PLIN5: variants seen among roughly 807,000 people sequenced by gnomAD.
PLIN5 encodes perilipin-5.
PLIN5 carries 34 observed loss-of-function variants against 32.8 expected under a neutral mutation model. The ratio of observed to expected loss-of-function variants is 1.04; its 90% CI spans 0.79 to 1.38. The LOEUF is 1.38. Among genes scored for constraint, PLIN5 ranks in the 40% most tolerant of loss-of-function variants. The pLI, the probability that PLIN5 is intolerant of heterozygous loss-of-function variation, is 0.00. For synonymous variants in PLIN5, 309 were observed against 292.9 expected (o/e 1.05, Z -0.56); for missense variants, 712 against 660.5 (o/e 1.08, Z -0.85).
Position 4,523,845 on chromosome 19 carries a change from C to T in PLIN5, c.1075G>A (p.Asp359Asn), listed in dbSNP as rs1210652621. ...TGCACCACCAGCTCCAGCAGCTCGT[C>T]CACGCAGGCGTGCGCGTGGGCCACG... is the stretch of plus-strand genomic sequence containing the variant. ...GRVAHAHACV[D>N]ELLELVVQAV... The change falls in exon 8 of 8, where the codon GAC becomes AAC. Residue 359 changes from aspartate (D) to asparagine (N), a missense_variant. Physicochemically the swap from Asp to Asn is conservative, Grantham distance 23. Coordinates refer to ENST00000381848, the MANE Select transcript of PLIN5 (RefSeq NM_001013706.3). The surrounding 1 kb of genome is among the most constrained non-coding windows in gnomAD (Gnocchi z 5.0). 6.3e-7 allele frequency: 1 copy of T among 1,583,788 alleles called. No homozygotes were observed. Among genetic ancestry groups the T allele is most frequent in the Admixed American group, 1.7e-5 (1 of 57,972 alleles).
chr19:4,533,368 T>C, intron 2 of PLIN5: 1 of 152,798 alleles, frequency 6.5e-6, no homozygotes, highest in Non-Finnish European at 1.5e-5. Flanking sequence ...GTGCTGGGAT[T>C]ACAGGCGTCT....
chr19:4,531,606 G>T, intron 3 of PLIN5, 21 bp downstream of exon 3: 3 of 1,485,150 alleles, frequency 2.0e-6, no homozygotes, highest in South Asian at 2.6e-5. Flanking sequence ...AGCTCCCAGG[G>T]ACACGGGCCA....
Position 4,522,770 on chromosome 19 carries a change from A to G in PLIN5, c.*758T>C, listed in dbSNP as rs546969917. On this transcript the variant is annotated 3_prime_UTR_variant, in exon 8 of 8. Transcript: ENST00000381848. ...AGATCATGGCTCACTGCAGCCTCCA[A>G]CTCCTGGGCTCAAGCAGTCCTCCCA... 6.6e-6 allele frequency: 1 copy of G among 150,474 alleles called. No homozygotes were observed. Among genetic ancestry groups the G allele is most frequent in the East Asian group, 2.0e-4 (1 of 5,076 alleles). The allele number at this position is 150,474 out of a possible 1,614,324, so 9.3% of individuals were successfully genotyped here. A position where few individuals can be genotyped will look rare whatever the true frequency, so the allele number is the denominator to read the frequency against.
In PLIN5 at chr19:4,529,065, G is replaced by A. The variant is rs189306374; in HGVS notation, c.520+8C>T. ...CTCAGGGGTTAGGGTTGAGGGTGTC[G>A]TCCTCACCGAGCTCTTCCTCCGTCA... On this transcript the variant is annotated splice_region_variant and intron_variant, in intron 5 of 7. Coordinates refer to ENST00000381848, the MANE Select transcript of PLIN5 (RefSeq NM_001013706.3). 4.1e-4 allele frequency: 655 copies of A among 1,611,428 alleles called. No individual in the cohort carries two copies. In the African/African-American group the frequency reaches 6.5e-3, roughly 16 times the overall value.
intron 5 of PLIN5, 176 bp downstream of exon 5, chr19:4,528,897 G>A (rs10403980): frequency 0.013 from 8,158 of 620,224 alleles, 335 homozygotes; most frequent in African/African-American, 0.11. Flanking sequence ...CTGGCGGGAT[G>A]CAGGTTGAGG....
intron 3 of PLIN5, among the ~76,000 whole-genome samples, chr19:4,531,192 G>A (rs888973279): frequency 6.6e-6 from 1 of 151,034 alleles, no homozygotes; most frequent in Admixed American, 6.6e-5. Flanking sequence ...GTAGAGACAG[G>A]GTTTCACTAT....
chr19:4,526,414 G>A (rs1555695449), intron 5 of PLIN5, among the ~76,000 whole-genome samples: 2 of 152,110 alleles, frequency 1.3e-5, no homozygotes, highest in Non-Finnish European at 2.9e-5. Flanking sequence ...TAGAGACGGG[G>A]TTTCACCATG....
chr19:4,531,693 CGCA>C lies in PLIN5; in HGVS notation c.187_189del (p.Cys63del), dbSNP rs748238413. On this transcript the variant is annotated inframe_deletion, in exon 3 of 8. Coordinates refer to ENST00000381848, the MANE Select transcript of PLIN5 (RefSeq NM_001013706.3). Reference sequence around the variant, plus strand: ...AGGGCACGGGTGGTCAGGCCGCACACGCAGTTCTCAGCCAGGCGGCAGGCGGAG... The same window carrying C: ...AGGGCACGGGTGGTCAGGCCGCACACGTTCTCAGCCAGGCGGCAGGCGGAG... 6.4e-7 allele frequency: 1 copy of C among 1,562,386 alleles called. No homozygotes were observed. The highest frequency in any genetic ancestry group is 1.2e-5 in the South Asian group (1 of 84,876).
At position 4,525,989 on chromosome 19, in the gene PLIN5, C is replaced by G. The variant is rs1283075628; in HGVS notation, c.521-157G>C. The G allele has an allele frequency of 1.3e-6, 1 of 741,588 alleles. No homozygotes were observed. The highest frequency in any genetic ancestry group is 1.6e-5 in the African/African-American group (1 of 61,292). 45.9% of individuals were successfully genotyped at this position (741,588 alleles called of 1,614,324 possible). On this transcript the variant is annotated intron_variant, in intron 5 of 7. Transcript: ENST00000381848. This position sits in a 1 kb window ranked among gnomAD's most constrained non-coding sequence, Gnocchi z 5.6. ...CATGGGGTCAGCACAGCCACCCACCCCCTCCACATCTGCTCACCCACCTCT... is the reference window on the plus strand; with the variant it reads ...CATGGGGTCAGCACAGCCACCCACCGCCTCCACATCTGCTCACCCACCTCT...
In PLIN5 at chr19:4,523,824, C is replaced by T; in HGVS notation, c.1096G>A (p.Val366Met). The T allele has an allele frequency of 6.3e-7, 1 of 1,591,772 alleles. No homozygotes were observed. Among genetic ancestry groups the T allele is most frequent in the Non-Finnish European group, 8.5e-7 (1 of 1,176,432 alleles). Residue 366 changes from valine to methionine, a missense_variant, in exon 8 of 8, where the codon GTG becomes ATG. Physicochemically the swap from Val to Met is conservative, Grantham distance 21. Coordinates refer to ENST00000381848, the MANE Select transcript of PLIN5 (RefSeq NM_001013706.3). This position sits in a 1 kb window ranked among gnomAD's most constrained non-coding sequence, Gnocchi z 5.0. ...AGCCAGGGCAGCGGCACGGCCTGCA[C>T]CACCAGCTCCAGCAGCTCGTCCACG... The part of the protein sequence containing the change: ...ACVDELLELV[V>M]QAVPLPWLVG...
intron 1 of PLIN5, among the ~76,000 whole-genome samples, chr19:4,534,465 C>G (rs529174530): frequency 3.9e-5 from 6 of 152,182 alleles, no homozygotes; most frequent in Non-Finnish European, 8.8e-5. Flanking sequence ...TTCCGCCTCC[C>G]AGGTTCAAGT....
chr19:4,526,771 T>G (rs1324013738), intron 5 of PLIN5, among the ~76,000 whole-genome samples: 1 of 151,156 alleles, frequency 6.6e-6, no homozygotes, highest in Non-Finnish European at 1.5e-5. Flanking sequence ...GGCAGGAGGA[T>G]CAATTGAGCT....
chr19:4,531,939 C>T (rs901832683), intron 2 of PLIN5, 117 bp from the exon 3 acceptor site: 2 of 1,054,786 alleles, frequency 1.9e-6, no homozygotes, highest in East Asian at 2.8e-5. Flanking sequence ...GGATGGAGTA[C>T]TGAGCACCCC....
At chr19:4,531,852 C>G (rs1599765035) in intron 2 of PLIN5, 30 bp from the exon 3 acceptor site, 1 of 1,493,492 alleles carries the variant, frequency 6.7e-7, no homozygotes, top group Non-Finnish European at 8.9e-7. Flanking sequence ...CAGGGGGACC[C>G]TGGGGGAAGT....
intron 5 of PLIN5, among the ~76,000 whole-genome samples, chr19:4,526,468 T>C (rs1014781971): frequency 7.2e-5 from 11 of 152,184 alleles, no homozygotes; most frequent in African/African-American, 2.2e-4. Flanking sequence ...TTGATCCGCC[T>C]GCCTGGCCTC....
rs1976754840 is a variant in PLIN5 at position 4,523,407 on chromosome 19, T to C, written c.*121A>G. Reference sequence around the variant, plus strand: ...CAAAAAGGTGGTCAGAGATCCGGAGTTGGGCCTGATTCCAAAGAAGGGTCA... The same window carrying C: ...CAAAAAGGTGGTCAGAGATCCGGAGCTGGGCCTGATTCCAAAGAAGGGTCA... On this transcript the variant is annotated 3_prime_UTR_variant, in exon 8 of 8. Transcript: ENST00000381848. This position sits in a 1 kb window ranked among gnomAD's most constrained non-coding sequence, Gnocchi z 5.0. 1.7e-6 allele frequency: 2 copies of C among 1,158,528 alleles called. No homozygotes were observed. Among genetic ancestry groups the C allele is most frequent in the Admixed American group, 3.0e-5 (1 of 33,102 alleles). 71.8% of individuals were successfully genotyped at this position (1,158,528 alleles called of 1,614,324 possible).
chr19:4,531,577 T>TG lies in PLIN5; in HGVS notation c.256+49dup, dbSNP rs778909155. 1.3e-4 allele frequency: 169 copies of TG among 1,339,346 alleles called. 1 individual carries two copies. The East Asian group carries it at 3.6e-3, about 29-fold the overall frequency. The allele number at this position is 1,339,346 out of a possible 1,614,324, so 83.0% of individuals were successfully genotyped here. ...CCAAGGAGGATGGGACAGGGGGCGG[T>TG]GGGGGGGTGGCAAGCCACAGCTCCC... is the stretch of plus-strand genomic sequence containing the variant. On this transcript the variant is annotated intron_variant, in intron 3 of 7. Coordinates refer to ENST00000381848, the MANE Select transcript of PLIN5 (RefSeq NM_001013706.3).
At chr19:4,529,587 C>CGTATATATACATATATACT (rs1976855736) in intron 4 of PLIN5, 197 bp downstream of exon 4, 2 of 506,984 alleles carry the variant, frequency 3.9e-6, no homozygotes, top group Admixed American at 3.3e-5. Context: ...CATATATACA[C>CGTATATATACATATATACT]TATACGTATA....
rs1976847057 is a variant in PLIN5, at chr19:4,529,214, T to C, written c.379A>G (p.Thr127Ala). 6.2e-7 allele frequency: 1 copy of C among 1,611,672 alleles called. No individual in the cohort carries two copies. The highest frequency in any genetic ancestry group is 1.3e-5 in the African/African-American group (1 of 74,824). ...CTCCGGGCCAGGTCCACCACACCCG[T>C]GACACTGCTGGCCACCACGTCCTTG... ...SAKDVVASSV[T>A]GVVDLARRGR... The change falls in exon 5 of 8, where the codon ACG becomes GCG. Residue 127 changes from threonine to alanine, a missense_variant. Thr to Ala is a moderately conservative substitution (Grantham distance 58, BLOSUM62 0). Coordinates refer to ENST00000381848, the MANE Select transcript of PLIN5 (RefSeq NM_001013706.3).
Sources: gnomAD v4.1 joint callset for allele counts (sites outside exome capture counted in the v4.1 genomes callset) on GRCh38, gnomAD v4.1.1 for gene constraint, Gnocchi (gnomAD v3.1) non-coding constraint, MANE v1.5 for transcripts, NCBI Gene and HGNC (gene_info 2026-07-23, HGNC 2026-07-21) for gene names.